The following CCSER1 variants were observed in gnomAD, a reference collection of about 807,000 sequenced individuals.
CCSER1 encodes coiled-coil serine rich protein 1.
CCSER1 carries 41 observed loss-of-function variants against 82.0 expected under a neutral mutation model. The observed-to-expected ratio is 0.50, with a 90% CI of 0.39 to 0.65. The LOEUF is 0.65. Ranked by LOEUF, CCSER1 falls within the 30% of genes least tolerant of loss-of-function variation. The pLI is 0.00. For missense variants in CCSER1, 1,119 were observed against 1,064.2 expected, an observed-to-expected ratio of 1.05 and a Z score of -0.72; for synonymous variants, 414 against 383.9, an observed-to-expected ratio of 1.08 and a Z score of -0.92.
At chr4:90,982,242 A>G (rs142480555) in intron 9 of CCSER1, among the ~76,000 whole-genome samples, 1 of 151,880 alleles carries the variant, frequency 6.6e-6, no homozygotes, top group East Asian at 2.0e-4. Context: ...CTGTAACATC[A>G]CATGACAGAA....
At chr4:91,120,425 C>T (rs944474186) in intron 10 of CCSER1, among the ~76,000 whole-genome samples, 1 of 151,902 alleles carries the variant, frequency 6.6e-6, no homozygotes, top group Admixed American at 6.6e-5. Context: ...GATTTTCCAC[C>T]TCTTAGAGAT....
At chr4:91,092,463 G>A (rs564683914) in intron 10 of CCSER1, among the ~76,000 whole-genome samples, 20 of 152,302 alleles carry the variant, frequency 1.3e-4, no homozygotes, top group Admixed American at 9.2e-4. Flanking sequence ...ATCTTCAAAG[G>A]GAGCTGCTCC....
At chr4:91,389,833 G>C (rs1490595720) in intron 10 of CCSER1, among the ~76,000 whole-genome samples, 1 of 151,624 alleles carries the variant, frequency 6.6e-6, no homozygotes, top group Non-Finnish European at 1.5e-5. Context: ...TTATTTTTGG[G>C]GTGCTAATAC....
At chr4:91,195,565 C>T (rs372378706) in intron 10 of CCSER1, among the ~76,000 whole-genome samples, 2 of 152,102 alleles carry the variant, frequency 1.3e-5, no homozygotes, top group African/African-American at 2.4e-5. Context: ...TTTCATGAGA[C>T]GCTGTATTCT....
At chr4:90,255,477 T>C (rs1723115628) in intron 1 of CCSER1, among the ~76,000 whole-genome samples, 1 of 152,182 alleles carries the variant, frequency 6.6e-6, no homozygotes, top group Admixed American at 6.6e-5. Flanking sequence ...TACAGATTGT[T>C]ATAAATTATG....
chr4:90,867,086 C>T (rs536354161), intron 8 of CCSER1, among the ~76,000 whole-genome samples: 12 of 152,086 alleles, frequency 7.9e-5, no homozygotes, highest in East Asian at 7.8e-4. Flanking sequence ...TACTTCTATT[C>T]GCACTTGCCC....
At chr4:90,396,756 G>T (rs1178858645) in intron 3 of CCSER1, among the ~76,000 whole-genome samples, 2 of 151,796 alleles carry the variant, frequency 1.3e-5, no homozygotes, top group East Asian at 3.9e-4. Context: ...TGTTTTCTCG[G>T]CAACAAAATG....
At chr4:91,314,974 G>C (rs943120679) in intron 10 of CCSER1, among the ~76,000 whole-genome samples, 2 of 151,856 alleles carry the variant, frequency 1.3e-5, no homozygotes, top group African/African-American at 4.8e-5. Flanking sequence ...TCAACAAAAT[G>C]TGTAAAGCCA....
chr4:91,278,518 G>T (rs545362249), intron 10 of CCSER1, among the ~76,000 whole-genome samples: 1 of 152,134 alleles, frequency 6.6e-6, no homozygotes, highest in Non-Finnish European at 1.5e-5. Context: ...TTTGCATGGA[G>T]TATCTTTTTC....
intron 1 of CCSER1, among the ~76,000 whole-genome samples, chr4:90,290,204 A>G (rs1046432175): frequency 6.6e-6 from 1 of 151,904 alleles, no homozygotes; most frequent in African/African-American, 2.4e-5. Flanking sequence ...GTTAACCCAT[A>G]TATTATACAG....
chr4:90,781,581 ACTTTC>A (rs1372250644), intron 7 of CCSER1: 2 of 978,300 alleles, frequency 2.0e-6, no homozygotes, highest in East Asian at 1.1e-4. Context: ...AATTGTTGTG[ACTTTC>A]CTTATAAGAT....
intron 3 of CCSER1, among the ~76,000 whole-genome samples, chr4:90,319,680 C>G (rs1243579978): frequency 2.0e-5 from 3 of 152,092 alleles, no homozygotes; most frequent in African/African-American, 7.2e-5. Context: ...ATTAGAAGAT[C>G]TGATTTTGAA....
chr4:91,007,697 T>C (rs1182657041), intron 9 of CCSER1, among the ~76,000 whole-genome samples: 1 of 151,784 alleles, frequency 6.6e-6, no homozygotes, highest in Admixed American at 6.6e-5. Flanking sequence ...AAAAACTCTT[T>C]TGTTGATCTT....
intron 1 of CCSER1, among the ~76,000 whole-genome samples, chr4:90,228,034 C>T (rs759141509): frequency 6.6e-4 from 101 of 152,224 alleles, no homozygotes; most frequent in South Asian, 6.2e-4. Flanking sequence ...AAGGTGGCAG[C>T]GAGGCTTGGG....
intron 5 of CCSER1, among the ~76,000 whole-genome samples, chr4:90,520,330 T>G (rs2153623934): frequency 6.6e-6 from 1 of 152,004 alleles, no homozygotes; most frequent in East Asian, 1.9e-4. Flanking sequence ...AAATAGATAT[T>G]CTTTTTCATA....
chr4:91,227,450 G>C (rs78614495), intron 10 of CCSER1, among the ~76,000 whole-genome samples: 1 of 151,666 alleles, frequency 6.6e-6, no homozygotes, highest in Non-Finnish European at 1.5e-5. Flanking sequence ...GTGTGTGTTT[G>C]TGTGTGTGTA....
intron 10 of CCSER1, among the ~76,000 whole-genome samples, chr4:91,397,708 A>G (rs781135964): frequency 9.9e-5 from 15 of 152,014 alleles, no homozygotes; most frequent in Admixed American, 4.0e-4. Context: ...AGTGAACTTG[A>G]GTTGACTTTT....
chr4:91,590,596 C>T (rs1044275885), intron 10 of CCSER1, among the ~76,000 whole-genome samples: 2 of 152,026 alleles, frequency 1.3e-5, no homozygotes, highest in African/African-American at 4.8e-5. Flanking sequence ...CTACATTGGC[C>T]CTTTAATGAT....
At chr4:91,385,588 C>T (rs999416216) in intron 10 of CCSER1, among the ~76,000 whole-genome samples, 1 of 151,048 alleles carries the variant, frequency 6.6e-6, no homozygotes, top group African/African-American at 2.4e-5. Flanking sequence ...AGCCAGTGAA[C>T]ACAATTGTTT....
Sources: allele counts gnomAD v4.1 joint callset (sites outside exome capture counted in the v4.1 genomes callset), GRCh38; gene constraint gnomAD v4.1.1; transcripts MANE v1.5; gene names NCBI Gene and HGNC (gene_info 2026-07-23, HGNC 2026-07-21).